Variants in SLC38A11 observed in about 807,000 individuals in gnomAD.
The protein encoded by SLC38A11 is putative sodium-coupled neutral amino acid transporter 11.
In SLC38A11, 51 loss-of-function variants were observed where a neutral mutation model predicts 49.4. That is an observed-to-expected ratio of 1.03 (90% CI 0.83 to 1.30). The LOEUF (loss-of-function observed/expected upper bound fraction) is 1.30. SLC38A11 is among the 50% of genes most tolerant of loss of function. The pLI is 0.00. For synonymous variants in SLC38A11, 203 were observed against 192.9 expected, an observed-to-expected ratio of 1.05 and a Z score of -0.43; for missense variants, 574 against 556.2, an observed-to-expected ratio of 1.03 and a Z score of -0.32.
chr2:164,934,208 T>G (rs1448214654), intron 7 of SLC38A11, among the ~76,000 whole-genome samples: 1 of 152,142 alleles, frequency 6.6e-6, no homozygotes. Context: ...AGATATTTTA[T>G]TTCTCTATGT....
intron 6 of SLC38A11, among the ~76,000 whole-genome samples, chr2:164,938,746 A>T (rs997448501): frequency 6.6e-6 from 1 of 152,300 alleles, no homozygotes. Flanking sequence ...GGATTTTTCA[A>T]AATAGAATGT....
At chr2:164,941,100 T>G (rs933728314) in intron 5 of SLC38A11, among the ~76,000 whole-genome samples, 19 of 152,070 alleles carry the variant, frequency 1.2e-4, no homozygotes, top group African/African-American at 4.3e-4. Context: ...TAAAGGATGT[T>G]TTTCACTAAT....
rs1294756396 is a variant in SLC38A11, at chr2:164,952,690, A to G, written c.229+17T>C. The G allele has an allele frequency of 6.5e-7, 1 of 1,545,946 alleles. No individual in the cohort carries two copies. The highest frequency in any genetic ancestry group is 1.7e-5 in the Admixed American group (1 of 59,882). On this transcript the variant is annotated intron_variant, in intron 3 of 11. Coordinates refer to ENST00000685975, the MANE Select transcript of SLC38A11 (RefSeq NM_001351537.2). ...ACAGTTGAAGTTGCAGAAATAAGAA[A>G]TTATATAGTATTTTACCTGTAACAT...
intron 11 of SLC38A11, among the ~76,000 whole-genome samples, chr2:164,903,144 T>C (rs1684769968): frequency 6.6e-6 from 1 of 152,154 alleles, no homozygotes; most frequent in Non-Finnish European, 1.5e-5. Flanking sequence ...TTCTTTAAAA[T>C]AACAATTTGT....
intron 6 of SLC38A11, 30 bp downstream of exon 6, chr2:164,939,420 T>G (rs1335322561): frequency 6.8e-7 from 1 of 1,471,002 alleles, no homozygotes; most frequent in East Asian, 2.3e-5. Context: ...CAAGGTACAT[T>G]TCTATGCCCA....
Position 164,955,128 on chromosome 2 carries a change from A to G in SLC38A11, c.39+81T>C, listed in dbSNP as rs1343979904. On this transcript the variant is annotated intron_variant, in intron 1 of 11. Coordinates refer to ENST00000685975, the MANE Select transcript of SLC38A11 (RefSeq NM_001351537.2). Reference sequence around the variant, plus strand: ...GGTGCTAAACCAAGAGCCCAGGTGAAGGTAGGTGACCTGACCTGTTGCAAG... The same window carrying G: ...GGTGCTAAACCAAGAGCCCAGGTGAGGGTAGGTGACCTGACCTGTTGCAAG... 4 of 1,329,468 alleles carry G rather than the reference A, an allele frequency of 3.0e-6. No individual in the cohort carries two copies. In the Admixed American group the frequency reaches 7.9e-5, roughly 26 times the overall value. The allele number at this position is 1,329,468 out of a possible 1,614,324, so 82.4% of individuals were successfully genotyped here.
At chr2:164,945,108 G>T (rs1000869888) in intron 4 of SLC38A11, among the ~76,000 whole-genome samples, 2 of 152,066 alleles carry the variant, frequency 1.3e-5, no homozygotes, top group South Asian at 4.1e-4. Flanking sequence ...ACCTTCCATA[G>T]TACTGATTTT....
chr2:164,945,849 T>A lies in SLC38A11; in HGVS notation c.230-122A>T, dbSNP rs1475910835. 8 of 1,036,708 alleles carry A rather than the reference T, an allele frequency of 7.7e-6. No individual in the cohort carries two copies. The East Asian group carries it at 1.8e-4, about 23-fold the overall frequency. The allele number at this position is 1,036,708 out of a possible 1,614,324, so 64.2% of individuals were successfully genotyped here. On this transcript the variant is annotated intron_variant, in intron 3 of 11. Coordinates refer to ENST00000685975, the MANE Select transcript of SLC38A11 (RefSeq NM_001351537.2). ...AGAAGCATTTAATTTAATGCTGCAGTATTAGCAGAGCCAGGCTAACTTTCT... is the reference window on the plus strand; with the variant it reads ...AGAAGCATTTAATTTAATGCTGCAGAATTAGCAGAGCCAGGCTAACTTTCT...
intron 7 of SLC38A11, among the ~76,000 whole-genome samples, chr2:164,926,927 G>A (rs557246232): frequency 0.074 from 11,114 of 150,460 alleles, 448 homozygotes; most frequent in Admixed American, 0.1. Flanking sequence ...ACGAGTTAAT[G>A]GGTGCAGCAC....
chr2:164,914,701 A>G (rs1186055627), intron 9 of SLC38A11, among the ~76,000 whole-genome samples: 1 of 152,002 alleles, frequency 6.6e-6, no homozygotes, highest in Non-Finnish European at 1.5e-5. Context: ...TGATAATATA[A>G]TAATACTCTT....
At chr2:164,941,918 G>A (rs1477288204) in intron 5 of SLC38A11, among the ~76,000 whole-genome samples, 4 of 151,966 alleles carry the variant, frequency 2.6e-5, no homozygotes, top group Non-Finnish European at 4.4e-5. Context: ...GAAATTACAT[G>A]TATTCTTAAA....
chr2:164,952,675 T>C, intron 3 of SLC38A11, 32 bp downstream of exon 3: 1 of 1,381,766 alleles, frequency 7.2e-7, no homozygotes, highest in Non-Finnish European at 1.0e-6. Context: ...ACAGTTGAAG[T>C]TGCAGAAATA....
At chr2:164,949,472 G>C (rs1358625600) in intron 3 of SLC38A11, among the ~76,000 whole-genome samples, 1 of 152,102 alleles carries the variant, frequency 6.6e-6, no homozygotes, top group African/African-American at 2.4e-5. Flanking sequence ...TGGCCAGGCT[G>C]GTCTCGAATT....
chr2:164,942,306 G>A (rs1027185690), intron 5 of SLC38A11, among the ~76,000 whole-genome samples: 1 of 151,224 alleles, frequency 6.6e-6, no homozygotes, highest in Admixed American at 6.6e-5. Flanking sequence ...GTGGTGGTGT[G>A]CACCTGCAAT....
In SLC38A11 at chr2:164,948,996, A is replaced by G. The variant is rs186167626; in HGVS notation, c.230-3269T>C. 3.8e-3 allele frequency among the ~76,000 whole-genome samples: 562 copies of G among 149,432 alleles called. 5 individuals are homozygous for G. The highest frequency in any genetic ancestry group is 5.8e-3 in the Non-Finnish European group (392 of 67,582). On this transcript the variant is annotated intron_variant, in intron 3 of 11. Coordinates refer to ENST00000685975, the MANE Select transcript of SLC38A11 (RefSeq NM_001351537.2). Reference sequence around the variant, plus strand: ...AATGCCAGTCTCTGTCATCATGTACATATTTTTATTATGGTATTTTTTATA... The same window carrying G: ...AATGCCAGTCTCTGTCATCATGTACGTATTTTTATTATGGTATTTTTTATA...
chr2:164,908,757 C>T lies in SLC38A11; in HGVS notation c.978G>A (p.Val326=), dbSNP rs1383236061. The T allele has an allele frequency of 6.2e-7, 1 of 1,609,742 alleles. No individual in the cohort carries two copies. Among genetic ancestry groups the T allele is most frequent in the Non-Finnish European group, 8.5e-7 (1 of 1,177,704 alleles). ...CCGATGAAAGATTCCCACCAAAAAA[C>T]ACATTGGCAATTACCTGCCGAATAA... is the stretch of plus-strand genomic sequence containing the variant. ...CFVTREVIAN[V]FFGGNLSSVF... is the part of the protein sequence containing the mutation. The change falls in exon 11 of 12, where the codon GTG becomes GTA. Residue 326 remains valine, a synonymous_variant. Transcript: ENST00000685975.
At chr2:164,923,825 G>T (rs1686380458) in intron 7 of SLC38A11, among the ~76,000 whole-genome samples, 1 of 151,758 alleles carries the variant, frequency 6.6e-6, no homozygotes, top group Non-Finnish European at 1.5e-5. Flanking sequence ...ACAAATGTTA[G>T]TGGGGCTGTG....
rs188094539 is a variant in SLC38A11 at position 164,949,411 on chromosome 2, C to T, written c.229+3296G>A. Among the ~76,000 whole-genome samples, 19 of 152,124 alleles carry T rather than the reference C, an allele frequency of 1.2e-4. No homozygotes were observed. The East Asian group carries it at 2.7e-3, about 22-fold the overall frequency. On this transcript the variant is annotated intron_variant, in intron 3 of 11. Coordinates refer to ENST00000685975, the MANE Select transcript of SLC38A11 (RefSeq NM_001351537.2). ...TAGCTGAGACTACAGACACAAGCCACCACATCCAGTTAATTTTTGTATTTT... is the reference window on the plus strand; with the variant it reads ...TAGCTGAGACTACAGACACAAGCCATCACATCCAGTTAATTTTTGTATTTT...
At chr2:164,949,465 C>T (rs952377674) in intron 3 of SLC38A11, among the ~76,000 whole-genome samples, 1 of 152,084 alleles carries the variant, frequency 6.6e-6, no homozygotes, top group Non-Finnish European at 1.5e-5. Context: ...ACCCTATTGG[C>T]CAGGCTGGTC....
Sources: gnomAD v4.1 joint callset for allele counts (sites outside exome capture counted in the v4.1 genomes callset) on GRCh38, gnomAD v4.1.1 for gene constraint, MANE v1.5 for transcripts, NCBI Gene and HGNC (gene_info 2026-07-23, HGNC 2026-07-21) for gene names.